The following TECRL variants were observed in gnomAD, a reference collection of about 807,000 sequenced individuals.
TECRL encodes trans-2,3-enoyl-CoA reductase like.
TECRL carries 63 observed loss-of-function variants against 52.8 expected under a neutral mutation model. That is an observed-to-expected ratio of 1.19 (90% CI 0.97 to 1.47). The LOEUF is 1.47. Among genes scored for constraint, TECRL ranks in the 40% most tolerant of loss-of-function variants. The pLI is 0.00. For synonymous variants in TECRL, 164 were observed against 141.9 expected (o/e 1.16, Z -1.10); for missense variants, 482 against 429.6 (o/e 1.12, Z -1.08).
rs187877934 is a variant in TECRL, at chr4:64,319,527, G to C, written c.435+3162C>G. ...GATGATGAAAAGACAAGTTAAAGAAGGAGAGAAAATATTTCCAAACCACAT... is the reference window on the plus strand; with the variant it reads ...GATGATGAAAAGACAAGTTAAAGAACGAGAGAAAATATTTCCAAACCACAT... On this transcript the variant is annotated intron_variant, in intron 4 of 11. Coordinates refer to ENST00000381210, the MANE Select transcript of TECRL (RefSeq NM_001010874.5). Among the ~76,000 whole-genome samples, 92 of 151,854 alleles carry C rather than the reference G, an allele frequency of 6.1e-4. 1 individual carries two copies. Among genetic ancestry groups the C allele is most frequent in the Admixed American group, 1.9e-3 (29 of 15,256 alleles).
At chr4:64,300,442 A>C (rs1272386211) in intron 7 of TECRL, among the ~76,000 whole-genome samples, 3 of 150,710 alleles carry the variant, frequency 2.0e-5, no homozygotes, top group Admixed American at 6.6e-5. Context: ...TAGAATTATA[A>C]GTATTTTATA....
At chr4:64,301,279 A>C (rs1292592802) in intron 7 of TECRL, among the ~76,000 whole-genome samples, 1 of 151,120 alleles carries the variant, frequency 6.6e-6, no homozygotes, top group Admixed American at 6.6e-5. Flanking sequence ...ACATTTTTAT[A>C]ATATTTGATA....
intron 1 of TECRL, among the ~76,000 whole-genome samples, chr4:64,379,669 C>G (rs1722642335): frequency 6.6e-6 from 1 of 152,122 alleles, no homozygotes; most frequent in Admixed American, 6.6e-5. Context: ...ATATTATACT[C>G]TGTACCTTCA....
chr4:64,289,439 T>C (rs1723253108), intron 9 of TECRL, among the ~76,000 whole-genome samples: 2 of 152,210 alleles, frequency 1.3e-5, no homozygotes, highest in African/African-American at 4.8e-5. Flanking sequence ...TATTCATTAG[T>C]TCATTTATTT....
At chr4:64,317,941 T>G (rs544499401) in intron 4 of TECRL, among the ~76,000 whole-genome samples, 1 of 152,204 alleles carries the variant, frequency 6.6e-6, no homozygotes, top group Admixed American at 6.5e-5. Flanking sequence ...ACAAAAACAG[T>G]TGTTCATCAT....
At position 64,409,234 on chromosome 4, in the gene TECRL, CA is replaced by C; in HGVS notation, c.117del (p.Val40TyrfsTer7). The C allele has an allele frequency of 6.2e-7, 1 of 1,608,038 alleles. No individual in the cohort carries two copies. The highest frequency in any genetic ancestry group is 8.5e-7 in the Non-Finnish European group (1 of 1,176,670). ...DMRNFHFLSK[L>X]VLSAGPLRPT... is the part of the protein sequence containing the mutation. ...GGTCTTAGAGGGCCCGCTGAGAGTA[CA>C]AGTTTTGACAAAAAGTGAAAATTTC... On this transcript the variant is annotated frameshift_variant, in exon 1 of 12. Transcript: ENST00000381210. LOFTEE classifies it high-confidence loss of function.
intron 1 of TECRL, among the ~76,000 whole-genome samples, chr4:64,407,790 T>A (rs994848761): frequency 1.3e-5 from 2 of 150,218 alleles, no homozygotes; most frequent in African/African-American, 4.8e-5. Context: ...ATTTTTCTTA[T>A]GATATTTAAA....
At chr4:64,352,308 T>C (rs1259567710) in intron 2 of TECRL, among the ~76,000 whole-genome samples, 1 of 152,182 alleles carries the variant, frequency 6.6e-6, no homozygotes, top group Non-Finnish European at 1.5e-5. Context: ...AAGAAATTAA[T>C]ATTGAACAGA....
intron 1 of TECRL, among the ~76,000 whole-genome samples, chr4:64,389,780 T>G (rs1723423778): frequency 6.6e-6 from 1 of 151,870 alleles, no homozygotes; most frequent in South Asian, 2.1e-4. Context: ...TAAACAAATA[T>G]ATGCCTATTC....
intron 1 of TECRL, among the ~76,000 whole-genome samples, chr4:64,407,367 A>AT (rs564695701): frequency 6.6e-6 from 1 of 151,974 alleles, no homozygotes; most frequent in African/African-American, 2.4e-5. Flanking sequence ...TAAATGTTTA[A>AT]TTTTTTTCAC....
At chr4:64,303,631 T>A (rs1724147784) in intron 7 of TECRL, among the ~76,000 whole-genome samples, 1 of 151,806 alleles carries the variant, frequency 6.6e-6, no homozygotes, top group African/African-American at 2.4e-5. Context: ...TTCATGAGGA[T>A]TCAATGAGAT....
intron 2 of TECRL, among the ~76,000 whole-genome samples, chr4:64,337,431 A>G (rs1719184664): frequency 6.6e-6 from 1 of 152,168 alleles, no homozygotes; most frequent in South Asian, 2.1e-4. Context: ...GGCCAGGGCA[A>G]TTAGGCAGGA....
At chr4:64,299,309 T>G (rs1723869448) in intron 8 of TECRL, 1 of 151,078 alleles carries the variant, frequency 6.6e-6, no homozygotes, top group Non-Finnish European at 1.5e-5. Flanking sequence ...AATATGAACT[T>G]GTAGATGAAT....
chr4:64,360,068 C>T (rs559614453), intron 2 of TECRL, among the ~76,000 whole-genome samples: 143 of 152,044 alleles, frequency 9.4e-4, no homozygotes, highest in Non-Finnish European at 1.6e-3. Flanking sequence ...AAACAGAAAA[C>T]GAGAAATCGT....
At chr4:64,347,778 T>C (rs1424266361) in intron 2 of TECRL, among the ~76,000 whole-genome samples, 3 of 152,112 alleles carry the variant, frequency 2.0e-5, no homozygotes, top group Non-Finnish European at 4.4e-5. Flanking sequence ...TCCCTTGACA[T>C]GCAGGGATTA....
chr4:64,403,475 G>GTGCGCACA (rs1553923025), intron 1 of TECRL, among the ~76,000 whole-genome samples: 1 of 148,238 alleles, frequency 6.7e-6, no homozygotes, highest in Admixed American at 6.8e-5. Context: ...CTCCCTGAGC[G>GTGCGCACA]CACACACACA....
At chr4:64,377,345 G>C (rs1722475634) in intron 1 of TECRL, among the ~76,000 whole-genome samples, 1 of 151,986 alleles carries the variant, frequency 6.6e-6, no homozygotes. Context: ...AAAGCACAAA[G>C]AGAGGAAAAT....
At chr4:64,356,600 C>A (rs997587702) in intron 2 of TECRL, among the ~76,000 whole-genome samples, 12 of 152,252 alleles carry the variant, frequency 7.9e-5, no homozygotes, top group African/African-American at 2.6e-4. Context: ...GACACAGATT[C>A]CTTTGCTCAC....
intron 1 of TECRL, among the ~76,000 whole-genome samples, chr4:64,381,429 T>A (rs1184791008): frequency 6.6e-6 from 1 of 151,872 alleles, no homozygotes; most frequent in Admixed American, 6.6e-5. Context: ...TCCTGTACTA[T>A]GTTGAATAAG....
Sources: gnomAD v4.1 joint callset for allele counts (sites outside exome capture counted in the v4.1 genomes callset) on GRCh38, gnomAD v4.1.1 for gene constraint, MANE v1.5 for transcripts, NCBI Gene and HGNC (gene_info 2026-07-23, HGNC 2026-07-21) for gene names.